Variants in STK3 observed in about 807,000 individuals in gnomAD.
STK3 encodes the protein serine/threonine-protein kinase 3.
STK3 carries 41 observed loss-of-function variants against 58.0 expected under a neutral mutation model. The observed-to-expected ratio is 0.71, with a 90% CI of 0.55 to 0.92. STK3 has a LOEUF of 0.92. Ranked by LOEUF, STK3 falls within the 40% of genes least tolerant of loss-of-function variation. The probability of loss-of-function intolerance (pLI) is 0.00; values close to 1 mark genes in which losing one functional copy is unlikely to be tolerated. For synonymous variants in STK3, 170 were observed against 191.0 expected (o/e 0.89, Z 0.91); for missense variants, 479 against 602.7 (o/e 0.79, Z 2.15).
At chr8:98,705,186 T>G (rs1231243615) in intron 6 of STK3, among the ~76,000 whole-genome samples, 1 of 152,162 alleles carries the variant, frequency 6.6e-6, no homozygotes, top group East Asian at 1.9e-4. Context: ...TTTGGGAAGC[T>G]GAGGTGGGCG....
intron 1 of STK3, among the ~76,000 whole-genome samples, chr8:98,788,567 CTAAAG>C (rs1832618494): frequency 6.6e-6 from 1 of 151,970 alleles, no homozygotes; most frequent in Admixed American, 6.6e-5. Flanking sequence ...TAAACTTAAG[CTAAAG>C]GGGTGGAAAA....
At chr8:98,861,388 C>A (rs532625230) in intron 3 of STK3, among the ~76,000 whole-genome samples, 2 of 143,130 alleles carry the variant, frequency 1.4e-5, no homozygotes, top group South Asian at 4.4e-4. Context: ...GTCTCTGTCG[C>A]CCAGGCTGGG....
downstream of STK3, among the ~76,000 whole-genome samples, chr8:98,451,897 A>C (rs1471891795): frequency 1.6e-5 from 2 of 123,130 alleles, no homozygotes; most frequent in African/African-American, 5.6e-5. Context: ...AAAAAAAAAA[A>C]ACAAAAAAAA....
intron 7 of STK3, among the ~76,000 whole-genome samples, chr8:98,587,288 G>T (rs1814718864): frequency 6.6e-6 from 1 of 151,872 alleles, no homozygotes; most frequent in Admixed American, 6.6e-5. Flanking sequence ...AGAGATTCTG[G>T]TATGTTGTGT....
At chr8:98,703,902 C>A (rs946317773) in intron 6 of STK3, among the ~76,000 whole-genome samples, 7 of 152,130 alleles carry the variant, frequency 4.6e-5, no homozygotes, top group African/African-American at 1.2e-4. Flanking sequence ...CACTATACCC[C>A]CCACAAAACT....
chr8:98,382,513 C>T (rs1817746001), intron 1 of STK3, among the ~76,000 whole-genome samples: 1 of 152,120 alleles, frequency 6.6e-6, no homozygotes, highest in African/African-American at 2.4e-5. Flanking sequence ...AGGCTGTCTC[C>T]TCCAGCCCAG....
chr8:98,600,374 G>T (rs758436726), intron 6 of STK3, among the ~76,000 whole-genome samples: 20 of 152,154 alleles, frequency 1.3e-4, no homozygotes, highest in Non-Finnish European at 2.6e-4. Flanking sequence ...GGGCTGTTCT[G>T]AATTTTAAAT....
chr8:98,351,885 C>T, the STK3 span, among the ~76,000 whole-genome samples: 1 of 152,076 alleles, frequency 6.6e-6, no homozygotes, highest in Non-Finnish European at 1.5e-5. Context: ...TTTGGCTGGG[C>T]GTGGTGCCTC....
At chr8:98,586,576 T>A (rs1814621110) in intron 7 of STK3, among the ~76,000 whole-genome samples, 1 of 150,248 alleles carries the variant, frequency 6.7e-6, no homozygotes, top group Non-Finnish European at 1.5e-5. Context: ...GTTGTGTCTC[T>A]GCCCGGCTTT....
intron 8 of STK3, among the ~76,000 whole-genome samples, chr8:98,575,904 TCA>T (rs1167859135): frequency 6.6e-6 from 1 of 152,224 alleles, no homozygotes; most frequent in Non-Finnish European, 1.5e-5. Flanking sequence ...TTGATGAAGT[TCA>T]GTTTATCTTT....
chr8:98,892,634 C>T (rs1321889179), intron 1 of STK3, among the ~76,000 whole-genome samples: 1 of 152,140 alleles, frequency 6.6e-6, no homozygotes, highest in Admixed American at 6.6e-5. Context: ...CCGTTTCCTA[C>T]CTTTGTTCCC....
chr8:98,860,746 C>T (rs1352566337), intron 3 of STK3, among the ~76,000 whole-genome samples: 1 of 152,026 alleles, frequency 6.6e-6, no homozygotes, highest in South Asian at 2.1e-4. Context: ...GACCAGCATA[C>T]GACAAACACA....
chr8:98,517,708 A>G (rs1825039639), intron 10 of STK3, among the ~76,000 whole-genome samples: 1 of 152,128 alleles, frequency 6.6e-6, no homozygotes, highest in African/African-American at 2.4e-5. Flanking sequence ...TCCTCAATCA[A>G]TTTTTAAAAC....
intron 3 of STK3, among the ~76,000 whole-genome samples, chr8:98,860,995 G>A (rs1042982073): frequency 1.3e-5 from 2 of 152,134 alleles, no homozygotes; most frequent in Non-Finnish European, 2.9e-5. Context: ...AGGAGGTGGA[G>A]GTTGCAGTGA....
chr8:98,462,254 C>T (rs1262688960), intron 10 of STK3, among the ~76,000 whole-genome samples: 1 of 151,268 alleles, frequency 6.6e-6, no homozygotes, highest in East Asian at 2.0e-4. Context: ...GGTGTGATCT[C>T]GGCTCACCGC....
intron 6 of STK3, among the ~76,000 whole-genome samples, chr8:98,635,493 C>T (rs1819551056): frequency 2.6e-5 from 4 of 152,134 alleles, no homozygotes; most frequent in South Asian, 4.1e-4. Flanking sequence ...GGAACCCAGG[C>T]AGTCTAGCTC....
At chr8:98,793,419 C>A (rs566624117) in intron 1 of STK3, among the ~76,000 whole-genome samples, 2 of 152,052 alleles carry the variant, frequency 1.3e-5, no homozygotes, top group South Asian at 4.2e-4. Context: ...AAGCCTGCAG[C>A]CCCAGCTACT....
chr8:98,922,005 A>G (rs1359861058), intron 1 of STK3, among the ~76,000 whole-genome samples: 1 of 152,038 alleles, frequency 6.6e-6, no homozygotes, highest in Non-Finnish European at 1.5e-5. Context: ...ATCAACAGTC[A>G]TTTCTATCTC....
At chr8:98,640,478 A>C (rs1437423722) in intron 6 of STK3, among the ~76,000 whole-genome samples, 1 of 152,174 alleles carries the variant, frequency 6.6e-6, no homozygotes, top group Non-Finnish European at 1.5e-5. Context: ...AAAGTTAATG[A>C]TATACTAGTG....
Sources: gnomAD v4.1 joint callset for allele counts (sites outside exome capture counted in the v4.1 genomes callset) on GRCh38, gnomAD v4.1.1 for gene constraint, MANE v1.5 for transcripts, NCBI Gene and HGNC (gene_info 2026-07-23, HGNC 2026-07-21) for gene names.